MLXIPL: variants seen among roughly 807,000 people sequenced by gnomAD.
MLXIPL encodes carbohydrate-responsive element-binding protein.
A neutral mutation model predicts 81.5 loss-of-function variants in MLXIPL; 49 were observed. The observed-to-expected ratio is 0.60, with a 90% CI of 0.48 to 0.76. The LOEUF is 0.76. Among genes scored for constraint, MLXIPL ranks in the 30% least tolerant of loss-of-function variants. MLXIPL has a pLI of 0.00. For missense variants in MLXIPL, 1,053 were observed against 1,167.0 expected (o/e 0.90, Z 1.42); for synonymous variants, 466 against 485.5 (o/e 0.96, Z 0.53).
intron 7 of MLXIPL, among the ~76,000 whole-genome samples, chr7:73,605,123 GTTC>G (rs1795175951): frequency 6.6e-6 from 1 of 152,132 alleles, no homozygotes; most frequent in South Asian, 2.1e-4. Context: ...ATAATTCAAA[GTTC>G]TTCTCTCCCC....
chr7:73,614,228 A>G (rs1795867085), intron 2 of MLXIPL, among the ~76,000 whole-genome samples: 1 of 151,942 alleles, frequency 6.6e-6, no homozygotes, highest in African/African-American at 2.4e-5. Context: ...AAAAAACAAA[A>G]CAAAACCAAA....
chr7:73,616,191 G>A lies in MLXIPL; in HGVS notation c.294-14C>T. On this transcript the variant is annotated splice_polypyrimidine_tract_variant and intron_variant, in intron 1 of 16. Transcript: ENST00000313375. ...ACCAGCTTGCCACTGTCAAAGGGGAGAGGAGTAGGGTTAGGGAGATGCAGT... is the reference window on the plus strand; with the variant it reads ...ACCAGCTTGCCACTGTCAAAGGGGAAAGGAGTAGGGTTAGGGAGATGCAGT... 1 of 1,598,724 alleles carries A rather than the reference G, an allele frequency of 6.3e-7. No individual in the cohort carries two copies. The highest frequency in any genetic ancestry group is 1.7e-5 in the Admixed American group (1 of 59,990).
intron 7 of MLXIPL, among the ~76,000 whole-genome samples, chr7:73,601,708 T>G (rs1554596321): frequency 6.6e-6 from 1 of 151,770 alleles, no homozygotes; most frequent in Non-Finnish European, 1.5e-5. Flanking sequence ...TTTTTGTATT[T>G]TTTAGCAAAA....
chr7:73,606,758 T>C (rs905175152), intron 5 of MLXIPL: 2 of 576,132 alleles, frequency 3.5e-6, no homozygotes, highest in Admixed American at 2.7e-5. Flanking sequence ...CTCCCACCAC[T>C]TGCTCAATGA....
At chr7:73,640,001 G>T in the MLXIPL span, among the ~76,000 whole-genome samples, 3 of 152,046 alleles carry the variant, frequency 2.0e-5, no homozygotes, top group Non-Finnish European at 4.4e-5. Context: ...GGCAGAGCTT[G>T]CAGTGAGCCA....
the MLXIPL span, among the ~76,000 whole-genome samples, chr7:73,634,226 T>A: frequency 6.6e-6 from 1 of 152,114 alleles, no homozygotes; most frequent in South Asian, 2.1e-4. Flanking sequence ...GTACCCCAAT[T>A]GTTCTACCAA....
chr7:73,603,714 G>A (rs529166469), intron 7 of MLXIPL, among the ~76,000 whole-genome samples: 2 of 152,190 alleles, frequency 1.3e-5, no homozygotes, highest in African/African-American at 2.4e-5. Context: ...ACATAGCTCC[G>A]GGGGTCCCTA....
At chr7:73,594,058 G>C in intron 16 of MLXIPL, 75 bp from the exon 17 acceptor site, 1 of 1,432,018 alleles carries the variant, frequency 7.0e-7, no homozygotes, top group Non-Finnish European at 9.8e-7. Context: ...GGAACCAAAG[G>C]GATAGGGGGA....
At chr7:73,606,476 A>G (rs1217815558) in intron 5 of MLXIPL, 1 of 332,830 alleles carries the variant, frequency 3.0e-6, no homozygotes, top group Admixed American at 5.4e-5. Flanking sequence ...CCCAGGCTGG[A>G]GTGCAGTGGC....
the MLXIPL span, among the ~76,000 whole-genome samples, chr7:73,636,182 G>A: frequency 6.6e-6 from 1 of 152,166 alleles, no homozygotes; most frequent in Non-Finnish European, 1.5e-5. Flanking sequence ...GGCCAAAGTG[G>A]GAGGATCACT....
At chr7:73,615,664 C>T (rs1373345871) in intron 2 of MLXIPL, among the ~76,000 whole-genome samples, 1 of 152,076 alleles carries the variant, frequency 6.6e-6, no homozygotes, top group Non-Finnish European at 1.5e-5. Flanking sequence ...CCTGTAATCC[C>T]AGCACTTTGG....
At chr7:73,624,540 G>A (rs942561905), upstream of MLXIPL, 2 of 1,490,534 alleles carry the variant, frequency 1.3e-6, no homozygotes, top group East Asian at 2.6e-5. Flanking sequence ...GCAGCGCGGG[G>A]AACAGCTCTT....
the MLXIPL span, among the ~76,000 whole-genome samples, chr7:73,642,654 C>T: frequency 6.6e-6 from 1 of 152,156 alleles, no homozygotes; most frequent in Non-Finnish European, 1.5e-5. Context: ...CCATGCCTGG[C>T]CCTTTTTTAA....
chr7:73,624,533 G>A, upstream of MLXIPL: 11 of 1,499,968 alleles, frequency 7.3e-6, no homozygotes, highest in African/African-American at 2.9e-5. Context: ...GCTCCGCGCA[G>A]CGCGGGGAAC....
At chr7:73,633,671 T>C in the MLXIPL span, among the ~76,000 whole-genome samples, 2 of 151,726 alleles carry the variant, frequency 1.3e-5, no homozygotes, top group East Asian at 3.9e-4. Context: ...CTAAACTGGT[T>C]CCGAACTCCT....
At chr7:73,599,811 G>A in intron 7 of MLXIPL, 116 bp from the exon 8 acceptor site, 1 of 983,998 alleles carries the variant, frequency 1.0e-6, no homozygotes, top group Non-Finnish European at 1.5e-6. Flanking sequence ...GGGACTGGCG[G>A]GCAGAGGGTG....
chr7:73,605,844 C>T (rs1554597822), intron 6 of MLXIPL, 66 bp downstream of exon 6: 1 of 1,572,382 alleles, frequency 6.4e-7, no homozygotes, highest in Non-Finnish European at 8.6e-7. Context: ...CCAGCCATCC[C>T]TCCCTTGGCC....
chr7:73,614,817 T>TTG (rs1381115705), intron 2 of MLXIPL, among the ~76,000 whole-genome samples: 1 of 149,758 alleles, frequency 6.7e-6, no homozygotes, highest in African/African-American at 2.5e-5. Flanking sequence ...CCCTTTTTTT[T>TTG]TTTTTTTTTT....
chr7:73,624,986 A>G (rs1364765096), upstream of MLXIPL, among the ~76,000 whole-genome samples: 1 of 152,112 alleles, frequency 6.6e-6, no homozygotes, highest in Non-Finnish European at 1.5e-5. Flanking sequence ...CCTTGAGCCC[A>G]GGAGTTCGAC....
Sources: gnomAD v4.1 joint callset for allele counts (sites outside exome capture counted in the v4.1 genomes callset) on GRCh38, gnomAD v4.1.1 for gene constraint, MANE v1.5 for transcripts, NCBI Gene and HGNC (gene_info 2026-07-23, HGNC 2026-07-21) for gene names.